Variants in DTHD1 observed in about 807,000 individuals in gnomAD.
The protein encoded by DTHD1 is death domain containing 1, also known as death domain-containing protein 1.
DTHD1 carries 59 observed loss-of-function variants against 74.8 expected under a neutral mutation model. The ratio of observed to expected loss-of-function variants is 0.79; its 90% CI spans 0.64 to 0.98. DTHD1 has a LOEUF of 0.98. DTHD1 is among the 50% of genes least tolerant of loss of function. The pLI is 0.00. For missense variants in DTHD1, 1,051 were observed against 1,065.4 expected (o/e 0.99, Z 0.19); for synonymous variants, 365 against 371.1 (o/e 0.98, Z 0.19).
At chr4:36,309,658 A>T (rs1477850230) in intron 7 of DTHD1, among the ~76,000 whole-genome samples, 1 of 152,118 alleles carries the variant, frequency 6.6e-6, no homozygotes, top group Non-Finnish European at 1.5e-5. Flanking sequence ...TATATCCAAA[A>T]CTTTTTTTTT....
At chr4:36,295,360 C>T (rs1244011215) in intron 5 of DTHD1, among the ~76,000 whole-genome samples, 2 of 152,008 alleles carry the variant, frequency 1.3e-5, no homozygotes, top group Non-Finnish European at 2.9e-5. Flanking sequence ...GAAAGACATA[C>T]CTTAGTCCAG....
At chr4:36,294,684 G>T (rs1340776430) in intron 4 of DTHD1, 111 bp from the exon 5 acceptor site, 3 of 996,452 alleles carry the variant, frequency 3.0e-6, no homozygotes, top group Non-Finnish European at 4.1e-6. Context: ...AATACATAGA[G>T]AAATGTATAA....
At chr4:36,331,914 C>A (rs1341264371) in intron 8 of DTHD1, among the ~76,000 whole-genome samples, 2 of 152,188 alleles carry the variant, frequency 1.3e-5, no homozygotes, top group African/African-American at 4.8e-5. Context: ...AACTCGACAA[C>A]TTCTTATGAC....
intron 9 of DTHD1, among the ~76,000 whole-genome samples, chr4:36,341,651 C>A (rs1307316691): frequency 6.6e-6 from 1 of 152,140 alleles, no homozygotes; most frequent in Non-Finnish European, 1.5e-5. Flanking sequence ...ATTTTCCTAA[C>A]CTCAGGCAGC....
At chr4:36,327,327 C>A (rs1231855625) in intron 8 of DTHD1, among the ~76,000 whole-genome samples, 1 of 152,068 alleles carries the variant, frequency 6.6e-6, no homozygotes, top group African/African-American at 2.4e-5. Flanking sequence ...GTTAAATAGG[C>A]ACAGGAATAA....
chr4:36,290,545 A>T lies in DTHD1; in HGVS notation c.1060A>T (p.Lys354Ter). 1.3e-6 allele frequency: 2 copies of T among 1,551,684 alleles called. No homozygotes were observed. Among genetic ancestry groups the T allele is most frequent in the Non-Finnish European group, 1.7e-6 (2 of 1,146,972 alleles). ...CGTCATAACTATTGAATGCTCAGAT[A>T]AGGAAAAGAGAGTTCCATTTCCAAT... ...SNVITIECSD[K>*]EKRVPFPIGI... Residue 354 changes from lysine (K) to a stop codon, truncating the protein, a stop_gained, in exon 3 of 10, where the codon AAG (lysine) becomes TAG (stop). Transcript: ENST00000639862. LOFTEE classifies it high-confidence loss of function.
intron 2 of DTHD1, among the ~76,000 whole-genome samples, chr4:36,285,902 A>G (rs892861510): frequency 1.3e-5 from 2 of 152,116 alleles, no homozygotes; most frequent in African/African-American, 4.8e-5. Context: ...TAGCTCCAAA[A>G]ACTCTCACTT....
intron 8 of DTHD1, among the ~76,000 whole-genome samples, chr4:36,335,232 GT>G (rs144784726): frequency 0.011 from 1,746 of 152,144 alleles, 70 homozygotes; most frequent in East Asian, 0.08. Context: ...TTTTTGTTAA[GT>G]TTTTTGAGGG....
intron 8 of DTHD1, among the ~76,000 whole-genome samples, chr4:36,336,743 G>A (rs1439579004): frequency 6.6e-6 from 1 of 152,224 alleles, no homozygotes; most frequent in East Asian, 1.9e-4. Context: ...GTTCACAGAA[G>A]TGCCTGGTGG....
intron 8 of DTHD1, among the ~76,000 whole-genome samples, chr4:36,330,746 A>G (rs964970015): frequency 3.3e-5 from 5 of 152,166 alleles, no homozygotes; most frequent in Non-Finnish European, 4.4e-5. Context: ...TTGCAATGAT[A>G]TAGTTACAAG....
chr4:36,336,567 A>G (rs1759020375), intron 8 of DTHD1, among the ~76,000 whole-genome samples: 1 of 152,154 alleles, frequency 6.6e-6, no homozygotes, highest in Non-Finnish European at 1.5e-5. Context: ...GTAATCACCC[A>G]TTTGGAGGTC....
At position 36,293,696 on chromosome 4, in the gene DTHD1, G is replaced by A; in HGVS notation, c.1389G>A (p.Val463=). 2 of 1,513,268 alleles carry A rather than the reference G, an allele frequency of 1.3e-6. No individual in the cohort carries two copies. Among genetic ancestry groups the A allele is most frequent in the African/African-American group, 1.4e-5 (1 of 71,986 alleles). 93.7% of individuals were successfully genotyped at this position (1,513,268 alleles called of 1,614,324 possible). A position where few individuals can be genotyped will look rare whatever the true frequency, so the allele number is the denominator to read the frequency against. ...GAGTTTTTACCTCTCCAGTGCTGGT[G>A]CAGTTAAAGGTAAACATATTAAAAA... ...PPGVFTSPVL[V]QLKIQPVDPA... is the part of the protein sequence containing the mutation. Residue 463 remains valine, a synonymous_variant, in exon 4 of 10, where the codon GTG becomes GTA. Coordinates refer to ENST00000639862, the MANE Select transcript of DTHD1 (RefSeq NM_001170700.3).
Position 36,284,224 on chromosome 4 carries a change from C to A in DTHD1, c.520C>A (p.Gln174Lys). 6.5e-7 allele frequency: 1 copy of A among 1,537,096 alleles called. No homozygotes were observed. The highest frequency in any genetic ancestry group is 1.2e-5 in the South Asian group (1 of 84,060). The change falls in exon 2 of 10, where the codon CAG becomes AAG. Residue 174 changes from glutamine (Q) to lysine (K), a missense_variant. Coordinates refer to ENST00000639862, the MANE Select transcript of DTHD1 (RefSeq NM_001170700.3). ...TGGAGAGGAAAGTCATTACACAAACCAGGTCCAGTTAGAAAAAAATAAAAC... is the reference window on the plus strand; with the variant it reads ...TGGAGAGGAAAGTCATTACACAAACAAGGTCCAGTTAGAAAAAAATAAAAC... ...TNGEESHYTN[Q>K]VQLEKNKTHM... is the part of the protein sequence containing the mutation.
At chr4:36,292,941 A>G (rs2109459657) in intron 3 of DTHD1, among the ~76,000 whole-genome samples, 1 of 152,334 alleles carries the variant, frequency 6.6e-6, no homozygotes, top group African/African-American at 2.4e-5. Flanking sequence ...TACAAATTTG[A>G]ATGTCATTGT....
rs187432785 is a variant in DTHD1, at chr4:36,292,699, T to C, written c.1219-827T>C. Among the ~76,000 whole-genome samples the C allele has an allele frequency of 1.3e-3, 194 of 152,342 alleles. 1 individual carries two copies. The highest frequency in any genetic ancestry group is 6.8e-3 in the Middle Eastern group (2 of 294). Reference sequence around the variant, plus strand: ...CTTTCAAATGGTAGACTATTTTCCATTGTGATTGTCCCTGAAATGTTTTTT... The same window carrying C: ...CTTTCAAATGGTAGACTATTTTCCACTGTGATTGTCCCTGAAATGTTTTTT... On this transcript the variant is annotated intron_variant, in intron 3 of 9. Coordinates refer to ENST00000639862, the MANE Select transcript of DTHD1 (RefSeq NM_001170700.3).
At chr4:36,321,293 G>T (rs978326357) in intron 8 of DTHD1, among the ~76,000 whole-genome samples, 10 of 152,338 alleles carry the variant, frequency 6.6e-5, no homozygotes, top group African/African-American at 2.4e-4. Flanking sequence ...GGAACCAGGA[G>T]GTGAACGTTG....
rs528356000 is a variant in DTHD1, at chr4:36,291,760, G to A, written c.1218+1057G>A. On this transcript the variant is annotated intron_variant, in intron 3 of 9. Coordinates refer to ENST00000639862, the MANE Select transcript of DTHD1 (RefSeq NM_001170700.3). ...GGAGAATCGCTTGAACCCGGGAAGC[G>A]GAGGGTGCGGTGAGCCGAGATCGCA... 1.4e-4 allele frequency among the ~76,000 whole-genome samples: 22 copies of A among 152,242 alleles called. No homozygotes were observed. The South Asian group carries it at 1.5e-3, about 10-fold the overall frequency.
rs1560805953 is a variant in DTHD1, at chr4:36,316,245, A to T, written c.2099A>T (p.Asn700Ile). ...AATACATTTTACTTCTATTTAGGCA[A>T]CGGGAAGGATTATGGAAAAGACTAC... The part of the protein sequence containing the change: ...RFTGNIFASS[N>I]GKDYGKDYTL... The change falls in exon 8 of 10, where the codon AAC (asparagine) becomes ATC (isoleucine). Residue 700 changes from asparagine to isoleucine, a missense_variant. Physicochemically the swap from Asn to Ile is moderately radical, Grantham distance 149. Transcript: ENST00000639862. 1 of 1,549,166 alleles carries T rather than the reference A, an allele frequency of 6.5e-7. No individual in the cohort carries two copies. The highest frequency in any genetic ancestry group is 2.0e-5 in the Admixed American group (1 of 50,388).
intron 8 of DTHD1, among the ~76,000 whole-genome samples, chr4:36,333,025 A>T (rs1054435407): frequency 1.3e-5 from 2 of 152,196 alleles, no homozygotes; most frequent in Admixed American, 6.5e-5. Context: ...AACTGTGTAT[A>T]TGAGATATGA....
Sources: gnomAD v4.1 joint callset for allele counts (sites outside exome capture counted in the v4.1 genomes callset) on GRCh38, gnomAD v4.1.1 for gene constraint, MANE v1.5 for transcripts, NCBI Gene and HGNC (gene_info 2026-07-23, HGNC 2026-07-21) for gene names.